The following APBA1 variants were observed in gnomAD, a reference collection of about 807,000 sequenced individuals.
APBA1 encodes amyloid-beta A4 precursor protein-binding family A member 1.
Under a neutral mutation model 86.6 loss-of-function variants are expected in APBA1, and 55 were observed. The observed-to-expected ratio is 0.64, with a 90% CI of 0.51 to 0.80. The LOEUF is 0.80. Among genes scored for constraint, APBA1 ranks in the 30% least tolerant of loss-of-function variants. The pLI, the probability that APBA1 is intolerant of heterozygous loss-of-function variation, is 0.00. For missense variants in APBA1, 1,090 were observed against 1,183.0 expected, an observed-to-expected ratio of 0.92 and a Z score of 1.15; for synonymous variants, 511 against 493.9, an observed-to-expected ratio of 1.03 and a Z score of -0.46.
intron 1 of APBA1, among the ~76,000 whole-genome samples, chr9:69,612,653 C>T (rs905171958): frequency 4.0e-5 from 6 of 151,744 alleles, no homozygotes; most frequent in African/African-American, 1.5e-4. Flanking sequence ...ATTCAGGTTA[C>T]TAAGAGTTTA....
intron 1 of APBA1, among the ~76,000 whole-genome samples, chr9:69,616,146 T>C (rs1245762141): frequency 6.6e-6 from 1 of 152,212 alleles, no homozygotes; most frequent in Non-Finnish European, 1.5e-5. Flanking sequence ...TGAGTGACTG[T>C]AGCAACAACC....
intron 2 of APBA1, among the ~76,000 whole-genome samples, chr9:69,491,033 G>A (rs1835700964): frequency 6.6e-6 from 1 of 152,116 alleles, no homozygotes; most frequent in Non-Finnish European, 1.5e-5. Flanking sequence ...CAACCATTGT[G>A]GAAGTCAGTG....
chr9:69,582,508 C>A (rs1310676285), intron 1 of APBA1, among the ~76,000 whole-genome samples: 1 of 152,146 alleles, frequency 6.6e-6, no homozygotes, highest in African/African-American at 2.4e-5. Flanking sequence ...CTACTCTTTC[C>A]TCTGGCTCAA....
rs752293706 is a variant in APBA1, at chr9:69,631,904, C to A, written c.-70+40249G>T. Among the ~76,000 whole-genome samples the A allele has an allele frequency of 2.0e-5, 3 of 151,836 alleles. No homozygotes were observed. In the Middle Eastern group the frequency reaches 0.01, roughly 516 times the overall value. On this transcript the variant is annotated intron_variant, in intron 1 of 12. Coordinates refer to ENST00000265381, the MANE Select transcript of APBA1 (RefSeq NM_001163.4). ...GGGAACATCACACACTGGGACCTGT[C>A]GTGGGGTTGGGGAGGGATAGTATTA... is the stretch of plus-strand genomic sequence containing the variant.
rs146979919 is a variant in APBA1 at position 69,516,671 on chromosome 9, G to A, written c.540C>T (p.Asp180=). ...CGGCATAGGGCTCGGAGTAGGGCTCGTCCTCACCGCGGTGGAAGAGCCGGT... is the reference window on the plus strand; with the variant it reads ...CGGCATAGGGCTCGGAGTAGGGCTCATCCTCACCGCGGTGGAAGAGCCGGT... ...YTHRLFHRGE[D]EPYSEPYADY... Residue 180 remains aspartate (D), a synonymous_variant, in exon 2 of 13, where the codon GAC becomes GAT. Transcript: ENST00000265381. This position sits in a 1 kb window ranked among gnomAD's most constrained non-coding sequence, Gnocchi z 7.3. 3.5e-4 allele frequency: 559 copies of A among 1,609,664 alleles called. 2 individuals carry two copies. The highest frequency in any genetic ancestry group is 6.6e-4 in the Middle Eastern group (4 of 6,056).
rs3737176 is a variant in APBA1 at position 69,432,322 on chromosome 9, G to A, written c.2442+214C>T. On this transcript the variant is annotated intron_variant, in intron 12 of 12. Transcript: ENST00000265381. The stretch of plus-strand genomic sequence containing the variant: ...CATCAGATGAAAGAGAAGGCTGAGG[G>A]TGATCTGATTCCATTTCATGGAGGA... Among the ~76,000 whole-genome samples the A allele has an allele frequency of 6.6e-5, 10 of 152,342 alleles. No homozygotes were observed. In the East Asian group the frequency reaches 1.9e-3, roughly 29 times the overall value.
Position 69,602,528 on chromosome 9 carries a change from G to A in APBA1, c.-70+69625C>T, listed in dbSNP as rs183352217. ...GGAGCGTGCAGTTTGCCAAGATCGCGCCACTGCATTCCAGCCTGGGTGACG... is the reference window on the plus strand; with the variant it reads ...GGAGCGTGCAGTTTGCCAAGATCGCACCACTGCATTCCAGCCTGGGTGACG... On this transcript the variant is annotated intron_variant, in intron 1 of 12. Coordinates refer to ENST00000265381, the MANE Select transcript of APBA1 (RefSeq NM_001163.4). Among the ~76,000 whole-genome samples the A allele has an allele frequency of 2.3e-3, 356 of 151,820 alleles. 1 individual carries two copies. The highest frequency in any genetic ancestry group is 7.9e-3 in the African/African-American group (328 of 41,370).
chr9:69,631,261 T>A (rs1457413469), intron 1 of APBA1, among the ~76,000 whole-genome samples: 1 of 152,204 alleles, frequency 6.6e-6, no homozygotes, highest in African/African-American at 2.4e-5. Flanking sequence ...GAACAGACAC[T>A]TCTCAAAAGA....
At chr9:69,558,962 C>T (rs1454191325) in intron 1 of APBA1, among the ~76,000 whole-genome samples, 1 of 152,194 alleles carries the variant, frequency 6.6e-6, no homozygotes, top group South Asian at 2.1e-4. Flanking sequence ...TTACCACCTA[C>T]CACCTTCCAT....
intron 1 of APBA1, among the ~76,000 whole-genome samples, chr9:69,583,718 G>T (rs1451064864): frequency 6.6e-6 from 1 of 152,196 alleles, no homozygotes; most frequent in Admixed American, 6.5e-5. Flanking sequence ...AGAAGCCTTA[G>T]ATAGCAGCAG....
At position 69,658,222 on chromosome 9, in the gene APBA1, CTCTTTCTTTCTT is replaced by C. The variant is rs1212486587; in HGVS notation, c.-70+13919_-70+13930del. On this transcript the variant is annotated intron_variant, in intron 1 of 12. Transcript: ENST00000265381. ...ATGTTGTCCTACTCAAGTCCTTTCT[CTCTTTCTTTCTT>C]TCTTTCTTTCTTTCTTTCTTTCTTT... 1.1e-3 allele frequency among the ~76,000 whole-genome samples: 117 copies of C among 104,300 alleles called. 1 individual carries two copies. Among genetic ancestry groups the C allele is most frequent in the African/African-American group, 3.6e-3 (114 of 31,934 alleles). 68.4% of individuals were successfully genotyped at this position (104,300 alleles called of 152,430 possible). A position where few individuals can be genotyped will look rare whatever the true frequency, so the allele number is the denominator to read the frequency against.
intron 2 of APBA1, among the ~76,000 whole-genome samples, chr9:69,502,416 T>A (rs549489635): frequency 6.7e-6 from 1 of 149,956 alleles, no homozygotes; most frequent in African/African-American, 2.4e-5. Flanking sequence ...TCTCTTTTTG[T>A]TTTTTTTTCC....
chr9:69,444,546 T>C (rs766246526), intron 10 of APBA1, among the ~76,000 whole-genome samples: 6 of 152,224 alleles, frequency 3.9e-5, no homozygotes, highest in Admixed American at 6.5e-5. Flanking sequence ...ATGGTGAAGC[T>C]CACTAATGTC....
chr9:69,487,002 C>T (rs1387338917), intron 2 of APBA1, among the ~76,000 whole-genome samples: 1 of 151,882 alleles, frequency 6.6e-6, no homozygotes, highest in Non-Finnish European at 1.5e-5. Context: ...CCACTCTCGC[C>T]CCTTGGAGAT....
intron 1 of APBA1, among the ~76,000 whole-genome samples, chr9:69,543,710 T>C (rs897285625): frequency 2.0e-5 from 3 of 152,216 alleles, no homozygotes; most frequent in African/African-American, 7.2e-5. Context: ...GCTGAGTAAC[T>C]TTCCCAGGGT....
chr9:69,483,367 C>T (rs1835554408), intron 2 of APBA1, among the ~76,000 whole-genome samples: 1 of 151,968 alleles, frequency 6.6e-6, no homozygotes, highest in Non-Finnish European at 1.5e-5. Context: ...GAACCCATGT[C>T]TGATCTCTCG....
At chr9:69,580,338 T>G (rs1821890626) in intron 1 of APBA1, among the ~76,000 whole-genome samples, 1 of 152,134 alleles carries the variant, frequency 6.6e-6, no homozygotes, top group African/African-American at 2.4e-5. Context: ...TATTTAAATA[T>G]TAATTCCTTT....
At position 69,476,131 on chromosome 9, in the gene APBA1, C is replaced by T. The variant is rs2133839179; in HGVS notation, c.1213G>A (p.Gly405Ser). The change falls in exon 3 of 13, where the codon GGC becomes AGC. Residue 405 changes from glycine to serine, a missense_variant. Around this residue, in one of 6 missense-constraint regions of APBA1, gnomAD observed 678 missense variants for 647.1 expected, o/e 1.05. Coordinates refer to ENST00000265381, the MANE Select transcript of APBA1 (RefSeq NM_001163.4). ...TCTGCACCCAAGGGGGAGGAGCTGC[C>T]AGGAGACGGAGACTAGAACACAGCA... ...RPMDGDSPSPGSSSPLGAESS... is the reference protein window; with the variant it reads ...RPMDGDSPSPSSSSPLGAESS... 1 of 1,613,474 alleles carries T rather than the reference C, an allele frequency of 6.2e-7. No individual in the cohort carries two copies. The highest frequency in any genetic ancestry group is 8.5e-7 in the Non-Finnish European group (1 of 1,179,686).
intron 10 of APBA1, among the ~76,000 whole-genome samples, chr9:69,446,830 C>A (rs1834917348): frequency 6.6e-6 from 1 of 152,180 alleles, no homozygotes; most frequent in African/African-American, 2.4e-5. Flanking sequence ...GACTCCAGGC[C>A]ATGAGCTGGA....
Sources: allele counts gnomAD v4.1 joint callset (sites outside exome capture counted in the v4.1 genomes callset), GRCh38; gene constraint gnomAD v4.1.1; regional missense constraint gnomAD v4.1.1; non-coding constraint Gnocchi (gnomAD v3.1); transcripts MANE v1.5; gene names NCBI Gene and HGNC (gene_info 2026-07-23, HGNC 2026-07-21).